The following TPRG1 variants were observed in gnomAD, a reference collection of about 807,000 sequenced individuals.
TPRG1 encodes the protein tumor protein p63-regulated gene 1 protein.
A neutral mutation model predicts 29.3 loss-of-function variants in TPRG1; 29 were observed. The ratio of observed to expected loss-of-function variants is 0.99; its 90% confidence interval spans 0.74 to 1.35. TPRG1 has a LOEUF of 1.35. Among genes scored for constraint, TPRG1 ranks in the 40% most tolerant of loss-of-function variants. TPRG1 has a pLI of 0.00. For synonymous variants in TPRG1, 130 were observed against 116.8 expected, an observed-to-expected ratio of 1.11 and a Z score of -0.73; for missense variants, 327 against 335.0, an observed-to-expected ratio of 0.98 and a Z score of 0.19.
At chr3:189,149,993 G>C (rs899174487) in intron 4 of TPRG1, among the ~76,000 whole-genome samples, 2 of 152,106 alleles carry the variant, frequency 1.3e-5, no homozygotes, top group Non-Finnish European at 2.9e-5. Context: ...TTTTCCTGAG[G>C]GCACACTGAC....
At chr3:189,187,094 C>G (rs1731035706) in intron 1 of TPRG1, among the ~76,000 whole-genome samples, 1 of 146,956 alleles carries the variant, frequency 6.8e-6, no homozygotes, top group Non-Finnish European at 1.5e-5. Context: ...CCAAGTGATC[C>G]TCTCACCTCA....
chr3:189,163,615 G>A (rs958090676), intron 5 of TPRG1, among the ~76,000 whole-genome samples: 1 of 152,118 alleles, frequency 6.6e-6, no homozygotes, highest in Non-Finnish European at 1.5e-5. Context: ...GGGGCAACAA[G>A]TTTCCTTGAA....
At chr3:189,153,822 A>AC (rs2108608265) in intron 5 of TPRG1, among the ~76,000 whole-genome samples, 1 of 152,358 alleles carries the variant, frequency 6.6e-6, no homozygotes, top group African/African-American at 2.4e-5. Context: ...GATCTGAGAG[A>AC]CAAGAGGACC....
chr3:189,306,692 A>T (rs1721674341), intron 4 of TPRG1, among the ~76,000 whole-genome samples: 1 of 152,254 alleles, frequency 6.6e-6, no homozygotes, highest in Non-Finnish European at 1.5e-5. Flanking sequence ...GGTTAAATAA[A>T]ATAAAAAATA....
chr3:189,002,624 G>A (rs1191383902), intron 2 of TPRG1, among the ~76,000 whole-genome samples: 1 of 152,080 alleles, frequency 6.6e-6, no homozygotes, highest in Non-Finnish European at 1.5e-5. Flanking sequence ...AACTTTAAGG[G>A]AAACCTGCTC....
At chr3:189,271,469 C>A (rs1033401670) in intron 4 of TPRG1, among the ~76,000 whole-genome samples, 4 of 152,190 alleles carry the variant, frequency 2.6e-5, no homozygotes, top group Non-Finnish European at 5.9e-5. Context: ...TATGTTGTTT[C>A]TTTACTGAAG....
chr3:189,308,165 C>T (rs1259327196), intron 4 of TPRG1, among the ~76,000 whole-genome samples: 2 of 151,558 alleles, frequency 1.3e-5, no homozygotes, highest in Non-Finnish European at 2.9e-5. Context: ...TATGGGAAGA[C>T]ATATTCAGAA....
intron 3 of TPRG1, among the ~76,000 whole-genome samples, chr3:189,139,112 C>T (rs1724175324): frequency 6.6e-6 from 1 of 152,224 alleles, no homozygotes; most frequent in Non-Finnish European, 1.5e-5. Flanking sequence ...TTACTGTATG[C>T]TCACACACAA....
chr3:189,102,690 A>T (rs1187328314), intron 1 of TPRG1, among the ~76,000 whole-genome samples: 1 of 152,168 alleles, frequency 6.6e-6, no homozygotes, highest in Non-Finnish European at 1.5e-5. Context: ...GACGATGTTC[A>T]TTCTGTTTGT....
At chr3:189,252,338 A>G (rs1440959318) in intron 4 of TPRG1, among the ~76,000 whole-genome samples, 1 of 151,898 alleles carries the variant, frequency 6.6e-6, no homozygotes, top group African/African-American at 2.4e-5. Flanking sequence ...TTTTCCCCAC[A>G]CTCTTTGGAT....
intron 4 of TPRG1, among the ~76,000 whole-genome samples, chr3:189,091,690 C>T (rs1718349820): frequency 6.6e-6 from 1 of 152,140 alleles, no homozygotes; most frequent in African/African-American, 2.4e-5. Context: ...CTCTCTCCTC[C>T]TCCTCTGTTA....
intron 1 of TPRG1, among the ~76,000 whole-genome samples, chr3:189,181,526 T>A (rs1321120428): frequency 6.6e-6 from 1 of 152,134 alleles, no homozygotes; most frequent in Non-Finnish European, 1.5e-5. Context: ...ATGCAACCAG[T>A]CTCTTTGCTA....
At chr3:189,059,320 C>A (rs1252951956) in intron 4 of TPRG1, among the ~76,000 whole-genome samples, 1 of 152,134 alleles carries the variant, frequency 6.6e-6, no homozygotes, top group Non-Finnish European at 1.5e-5. Flanking sequence ...AGGCCAGGTG[C>A]AGTGGCTCAT....
intron 4 of TPRG1, among the ~76,000 whole-genome samples, chr3:189,042,239 G>A (rs555619904): frequency 2.6e-5 from 4 of 151,962 alleles, no homozygotes; most frequent in Admixed American, 6.6e-5. Flanking sequence ...CAACCTTAAC[G>A]TCCTTTTTTG....
Position 189,238,757 on chromosome 3 carries a change from G to A in TPRG1, c.327G>A (p.Lys109=), listed in dbSNP as rs762679920. 6.2e-7 allele frequency: 1 copy of A among 1,612,872 alleles called. No homozygotes were observed. Among genetic ancestry groups the A allele is most frequent in the South Asian group, 1.1e-5 (1 of 90,908 alleles). The change falls in exon 4 of 6, where the codon AAG becomes AAA. Residue 109 remains lysine, a synonymous_variant. Coordinates refer to ENST00000345063, the MANE Select transcript of TPRG1 (RefSeq NM_198485.4). ...GGATAGACCACTGGAACAATGAGAA[G>A]GAGAGAATTCTACTGGTCACAGACA... ...LTKIDHWNNE[K]ERILLVTDKT...
chr3:189,048,839 A>G (rs555680420), intron 4 of TPRG1, among the ~76,000 whole-genome samples: 1 of 152,332 alleles, frequency 6.6e-6, no homozygotes, highest in South Asian at 2.1e-4. Context: ...GAAGAGCGAA[A>G]GGGAGACCCT....
At chr3:189,128,527 T>G (rs1466486881) in intron 2 of TPRG1, among the ~76,000 whole-genome samples, 3 of 152,212 alleles carry the variant, frequency 2.0e-5, no homozygotes, top group Non-Finnish European at 4.4e-5. Context: ...CTGGCAACTG[T>G]AGTTGAATGA....
intron 1 of TPRG1, among the ~76,000 whole-genome samples, chr3:189,186,901 G>T (rs1730990769): frequency 6.6e-6 from 1 of 150,978 alleles, no homozygotes; most frequent in South Asian, 2.1e-4. Flanking sequence ...CTCTAGCATA[G>T]ATTCAGTCAA....
At chr3:189,196,552 T>C (rs908358415) in intron 1 of TPRG1, among the ~76,000 whole-genome samples, 2 of 152,004 alleles carry the variant, frequency 1.3e-5, no homozygotes, top group Admixed American at 1.3e-4. Context: ...AACTCCCCTT[T>C]ATAAATCCAT....
Sources: gnomAD v4.1 joint callset for allele counts (sites outside exome capture counted in the v4.1 genomes callset) on GRCh38, gnomAD v4.1.1 for gene constraint, MANE v1.5 for transcripts, NCBI Gene and HGNC (gene_info 2026-07-23, HGNC 2026-07-21) for gene names.